NEB: variants seen among roughly 807,000 people sequenced by gnomAD.
NEB encodes nemaline myopathy type 2.
In NEB, 512 loss-of-function variants were observed where a neutral mutation model predicts 952.2. The ratio of observed to expected loss-of-function variants is 0.54; its 90% CI spans 0.50 to 0.58. The LOEUF (loss-of-function observed/expected upper bound fraction) is 0.58, where lower values mean the gene tolerates loss of function less well. Among genes scored for constraint, NEB ranks in the 20% least tolerant of loss-of-function variants. The probability of loss-of-function intolerance (pLI) is 0.00; values close to 1 mark genes in which losing one functional copy is unlikely to be tolerated. For missense variants in NEB, 8,428 were observed against 9,231.1 expected, an observed-to-expected ratio of 0.91 and a Z score of 3.56; for synonymous variants, 2,900 against 3,149.8, an observed-to-expected ratio of 0.92 and a Z score of 2.66.
intron 129 of NEB, among the ~76,000 whole-genome samples, chr2:151,550,532 C>A (rs2153638327): frequency 6.6e-6 from 1 of 152,180 alleles, no homozygotes; most frequent in East Asian, 1.9e-4. Flanking sequence ...TGCATGTGTT[C>A]ATGGCAGAAA....
At chr2:151,707,547 C>A (rs184064186) in intron 12 of NEB, among the ~76,000 whole-genome samples, 1 of 152,242 alleles carries the variant, frequency 6.6e-6, no homozygotes, top group Non-Finnish European at 1.5e-5. Flanking sequence ...GAGAAGGAGC[C>A]TTGCTTTTCC....
In NEB at chr2:151,570,164, G is replaced by A. The variant is rs1037281077; in HGVS notation, c.17347C>T (p.Arg5783Cys). 6.2e-6 allele frequency: 10 copies of A among 1,613,326 alleles called. No individual in the cohort carries two copies. The highest frequency in any genetic ancestry group is 2.7e-5 in the African/African-American group (2 of 74,922). ...SQALVSDMDY[R>C]NYLHQWTCMP... is the part of the protein sequence containing the mutation. ...CAGGTCCACTGGTGCAGGTAATTGC[G>A]GTAATCCATGTCACTGACCAGAGCC... Residue 5783 changes from arginine to cysteine, a missense_variant, in exon 109 of 182, where the codon CGC (arginine) becomes TGC (cysteine). Physicochemically the swap from Arg to Cys is radical, Grantham distance 180. Around this residue, in one of 11 missense-constraint regions of NEB, gnomAD observed 3,374 missense variants for 3,651.5 expected, o/e 0.92. Coordinates refer to ENST00000397345, the MANE Select transcript of NEB (RefSeq NM_001164508.2).
At chr2:151,531,314 T>C (rs1311578419) in intron 144 of NEB, among the ~76,000 whole-genome samples, 34 of 132,592 alleles carry the variant, frequency 2.6e-4, no homozygotes, top group South Asian at 7.9e-4. Context: ...CTTTCTTTTT[T>C]TTTTTTTTTT....
chr2:151,549,502 C>A (rs1160558152), intron 130 of NEB, 134 bp downstream of exon 130: 2 of 681,876 alleles, frequency 2.9e-6, no homozygotes, highest in African/African-American at 3.6e-5. Flanking sequence ...TGCTGTCTCT[C>A]CTCTCCAGCT....
chr2:151,690,521 T>C (rs2099540132), intron 24 of NEB: 1 of 479,724 alleles, frequency 2.1e-6, no homozygotes, highest in Admixed American at 3.4e-5. Context: ...TATTAAAAAA[T>C]ATTTATTTTT....
At chr2:151,671,281 A>G (rs1482025074) in intron 37 of NEB, 52 bp from the exon 38 acceptor site, 1 of 1,443,994 alleles carries the variant, frequency 6.9e-7, no homozygotes, top group Non-Finnish European at 9.6e-7. Flanking sequence ...TATTCAAGGG[A>G]TGTTTCTGGG....
intron 4 of NEB, 104 bp from the exon 5 acceptor site, chr2:151,728,010 G>C (rs2099796164): frequency 2.3e-6 from 2 of 870,292 alleles, no homozygotes; most frequent in Admixed American, 4.8e-5. Context: ...TACATTCCTG[G>C]TGTTACTTCT....
intron 119 of NEB, among the ~76,000 whole-genome samples, chr2:151,563,235 G>T (rs781753281): frequency 7.2e-5 from 11 of 151,964 alleles, no homozygotes; most frequent in Non-Finnish European, 1.3e-4. Context: ...GGCCAGTCTC[G>T]AACTCCTGAC....
Position 151,551,772 on chromosome 2 carries a change from T to C in NEB, c.19910A>G (p.Asp6637Gly). The C allele has an allele frequency of 6.2e-7, 1 of 1,613,614 alleles. No individual in the cohort carries two copies. The highest frequency in any genetic ancestry group is 8.5e-7 in the Non-Finnish European group (1 of 1,179,708). ...GAGCTTGTATGCATGAAGGGCCCGGTCCAGATCCACGGTTTTGGTAGTTGG... is the reference window on the plus strand; with the variant it reads ...GAGCTTGTATGCATGAAGGGCCCGGCCCAGATCCACGGTTTTGGTAGTTGG... ...VAPTTKTVDL[D>G]RALHAYKLQS... Residue 6637 changes from aspartate to glycine, a missense_variant, in exon 129 of 182, where the codon GAC (aspartate) becomes GGC (glycine). This residue lies in a region of NEB where 3,374 missense variants were observed against 3,651.5 expected (regional missense o/e 0.92). Transcript: ENST00000397345.
At chr2:151,724,529 A>T (rs2099784656) in intron 7 of NEB, among the ~76,000 whole-genome samples, 165 bp from the exon 8 acceptor site, 1 of 152,234 alleles carries the variant, frequency 6.6e-6, no homozygotes, top group East Asian at 1.9e-4. Context: ...TTCCTACAAT[A>T]GTCAGCTTTT....
chr2:151,633,602 C>T, intron 65 of NEB, 52 bp downstream of exon 65: 1 of 1,548,048 alleles, frequency 6.5e-7, no homozygotes, highest in Non-Finnish European at 8.7e-7. Flanking sequence ...ATAATTTTCA[C>T]ATAGTTTAAA....
At chr2:151,554,391 A>G (rs761943933) in intron 125 of NEB, among the ~76,000 whole-genome samples, 5 of 151,912 alleles carry the variant, frequency 3.3e-5, no homozygotes, top group East Asian at 1.9e-4. Context: ...CGAGATTCCA[A>G]TCGCTACAAA....
intron 157 of NEB, 35 bp downstream of exon 157, chr2:151,516,424 G>T (rs1264331635): frequency 7.1e-7 from 1 of 1,412,914 alleles, no homozygotes; most frequent in Admixed American, 1.7e-5. Context: ...TAGTGTGATG[G>T]ATCATTGTTG....
Position 151,493,786 on chromosome 2 carries a change from T to C in NEB, c.24661A>G (p.Asn8221Asp), listed in dbSNP as rs202149495. ...CCTTTCTAAAATACCGAGCTAAAGT[T>C]TTCTTGATTGCGTTTCACTCTTTCC... Reference protein sequence around the residue: ...EMERVKRNQENFSSVLYKENM... With the variant: ...EMERVKRNQEDFSSVLYKENM... The change falls in exon 175 of 182, where the codon AAC becomes GAC. Residue 8221 changes from asparagine (N) to aspartate (D), a missense_variant. Coordinates refer to ENST00000397345, the MANE Select transcript of NEB (RefSeq NM_001164508.2). The C allele has an allele frequency of 6.3e-7, 1 of 1,576,634 alleles. No individual in the cohort carries two copies. The highest frequency in any genetic ancestry group is 8.6e-7 in the Non-Finnish European group (1 of 1,158,028).
At position 151,537,178 on chromosome 2, in the gene NEB, G is replaced by A; in HGVS notation, c.21161C>T (p.Thr7054Ile). The A allele has an allele frequency of 6.2e-7, 1 of 1,613,128 alleles. No individual in the cohort carries two copies. Among genetic ancestry groups the A allele is most frequent in the Non-Finnish European group, 8.5e-7 (1 of 1,179,404 alleles). ...CTTTTCAGCCAGAGTGAAATCAGGG[G>A]TATCATAGGCATAGCAACCAATGCC... ...LKGIGCYAYDTPDFTLAEKNK... is the reference protein window; with the variant it reads ...LKGIGCYAYDIPDFTLAEKNK... The change falls in exon 141 of 182, where the codon ACC (threonine) becomes ATC (isoleucine). Residue 7054 changes from threonine to isoleucine, a missense_variant. Around this residue, in one of 11 missense-constraint regions of NEB, gnomAD observed 3,374 missense variants for 3,651.5 expected, o/e 0.92. Coordinates refer to ENST00000397345, the MANE Select transcript of NEB (RefSeq NM_001164508.2).
intron 8 of NEB, among the ~76,000 whole-genome samples, chr2:151,723,773 T>TTTGTTTTTTTTTTTTTTTTTTTTTTTC (rs2099782500): frequency 6.9e-6 from 1 of 145,554 alleles, no homozygotes; most frequent in Non-Finnish European, 1.5e-5. Context: ...TTTTTTTTTT[T>TTTGTTTTTTTTTTTTTTTTTTTTTTTC]TGGTCATTAT....
At chr2:151,578,230 C>G (rs1258200011) in intron 105 of NEB, among the ~76,000 whole-genome samples, 1 of 151,438 alleles carries the variant, frequency 6.6e-6, no homozygotes, top group Non-Finnish European at 1.5e-5. Context: ...ACGAGTAAAT[C>G]TAAAAATGCC....
At chr2:151,616,763 C>T (rs2098213948) in intron 75 of NEB, among the ~76,000 whole-genome samples, 1 of 152,092 alleles carries the variant, frequency 6.6e-6, no homozygotes, top group South Asian at 2.1e-4. Flanking sequence ...AGCATCTTAA[C>T]ACAAAAGAAG....
At chr2:151,643,523 C>A (rs1332836957) in intron 57 of NEB, among the ~76,000 whole-genome samples, 170 bp from the exon 58 acceptor site, 1 of 152,126 alleles carries the variant, frequency 6.6e-6, no homozygotes, top group Non-Finnish European at 1.5e-5. Context: ...TATAAATCAA[C>A]AAAATATTCA....
Sources: allele counts gnomAD v4.1 joint callset (sites outside exome capture counted in the v4.1 genomes callset), GRCh38; gene constraint gnomAD v4.1.1; regional missense constraint gnomAD v4.1.1; transcripts MANE v1.5; gene names NCBI Gene and HGNC (gene_info 2026-07-23, HGNC 2026-07-21).